The following ZFHX4 variants were observed in gnomAD, a reference collection of about 807,000 sequenced individuals.
ZFHX4 encodes the protein zinc finger homeobox 4.
A neutral mutation model predicts 267.6 loss-of-function variants in ZFHX4; 56 were observed. The observed-to-expected ratio is 0.21, with a 90% CI of 0.17 to 0.26. The LOEUF is 0.26. Ranked by LOEUF, ZFHX4 falls within the 10% of genes least tolerant of loss-of-function variation. The probability of loss-of-function intolerance (pLI) is 1.00; values close to 1 mark genes in which losing one functional copy is unlikely to be tolerated. For missense variants in ZFHX4, 4,332 were observed against 4,420.0 expected (o/e 0.98, Z 0.56); for synonymous variants, 1,778 against 1,665.6 (o/e 1.07, Z -1.64).
intron 4 of ZFHX4, among the ~76,000 whole-genome samples, chr8:76,789,595 G>A (rs1051216412): frequency 2.0e-5 from 3 of 152,090 alleles, no homozygotes; most frequent in Non-Finnish European, 4.4e-5. Flanking sequence ...ACAGATCTGT[G>A]GGTCAGAATT....
intron 1 of ZFHX4, among the ~76,000 whole-genome samples, chr8:76,697,505 A>G (rs1477482162): frequency 6.6e-6 from 1 of 152,060 alleles, no homozygotes; most frequent in Non-Finnish European, 1.5e-5. Flanking sequence ...TAGCAATATA[A>G]CATATGAAAA....
intron 3 of ZFHX4, among the ~76,000 whole-genome samples, chr8:76,768,574 G>C (rs1224982184): frequency 6.6e-6 from 1 of 152,076 alleles, no homozygotes; most frequent in Non-Finnish European, 1.5e-5. Flanking sequence ...AAATCTGAGG[G>C]GGCACCCATG....
chr8:76,830,833 T>C (rs775435053), intron 4 of ZFHX4, among the ~76,000 whole-genome samples: 1 of 152,238 alleles, frequency 6.6e-6, no homozygotes, highest in South Asian at 2.1e-4. Flanking sequence ...AACATACATA[T>C]GTTATGAAAC....
intron 3 of ZFHX4, among the ~76,000 whole-genome samples, chr8:76,768,621 C>T (rs1414133606): frequency 6.6e-6 from 1 of 152,108 alleles, no homozygotes; most frequent in Non-Finnish European, 1.5e-5. Context: ...TGTGAAGGCA[C>T]AGAGGAGCAG....
chr8:76,743,469 G>A (rs1809374900), intron 3 of ZFHX4, among the ~76,000 whole-genome samples: 1 of 152,154 alleles, frequency 6.6e-6, no homozygotes, highest in African/African-American at 2.4e-5. Flanking sequence ...TGTATTTGGG[G>A]ACACATGAAA....
intron 1 of ZFHX4, among the ~76,000 whole-genome samples, chr8:76,690,712 A>G (rs566042045): frequency 6.6e-6 from 1 of 151,880 alleles, no homozygotes; most frequent in African/African-American, 2.4e-5. Flanking sequence ...TATTCAGTAG[A>G]GTATATACAG....
intron 6 of ZFHX4, among the ~76,000 whole-genome samples, chr8:76,846,100 A>G (rs754129911): frequency 5.9e-4 from 90 of 152,218 alleles, no homozygotes; most frequent in Non-Finnish European, 1.1e-3. Context: ...AATACAACTT[A>G]GAAAAGAGAC....
intron 5 of ZFHX4, among the ~76,000 whole-genome samples, chr8:76,838,135 A>T (rs986534855): frequency 2.0e-5 from 3 of 152,230 alleles, no homozygotes; most frequent in Non-Finnish European, 4.4e-5. Context: ...TGGTACATAT[A>T]GGAAGGGAGA....
chr8:76,770,588 C>T (rs2131748942), intron 3 of ZFHX4, among the ~76,000 whole-genome samples: 1 of 152,196 alleles, frequency 6.6e-6, no homozygotes, highest in East Asian at 1.9e-4. Flanking sequence ...CTCAGGAAGC[C>T]TCCAGTCTGG....
At chr8:76,721,618 A>G (rs1260883626) in intron 3 of ZFHX4, among the ~76,000 whole-genome samples, 1 of 152,226 alleles carries the variant, frequency 6.6e-6, no homozygotes, top group African/African-American at 2.4e-5. Context: ...AGTGCTTTAT[A>G]TAACACATTT....
At chr8:76,785,366 T>C (rs1323930434) in intron 4 of ZFHX4, among the ~76,000 whole-genome samples, 1 of 152,144 alleles carries the variant, frequency 6.6e-6, no homozygotes, top group Middle Eastern at 3.2e-3. Flanking sequence ...GCATTGTGGA[T>C]CTTCACCCTA....
At chr8:76,729,928 T>C (rs1452126733) in intron 3 of ZFHX4, among the ~76,000 whole-genome samples, 1 of 152,136 alleles carries the variant, frequency 6.6e-6, no homozygotes, top group East Asian at 1.9e-4. Context: ...TAAAGGGACG[T>C]GAAGCTAGGC....
chr8:76,724,869 A>C lies in ZFHX4; in HGVS notation c.3093+16821A>C, dbSNP rs1051520318. 2.0e-5 allele frequency among the ~76,000 whole-genome samples: 3 copies of C among 152,174 alleles called. No individual in the cohort carries two copies. In the South Asian group the frequency reaches 6.2e-4, roughly 32 times the overall value. Reference sequence around the variant, plus strand: ...ACATGCTCATTTGTAACTCACTGTAATGATTCTTCAGTTTTTCATTTCCTT... The same window carrying C: ...ACATGCTCATTTGTAACTCACTGTACTGATTCTTCAGTTTTTCATTTCCTT... On this transcript the variant is annotated intron_variant, in intron 3 of 10. Transcript: ENST00000651372.
At position 76,706,377 on chromosome 8, in the gene ZFHX4, G is replaced by C. The variant is rs761889928; in HGVS notation, c.2289G>C (p.Gln763His). The change falls in exon 2 of 11, where the codon CAG becomes CAC. Residue 763 changes from glutamine to histidine, a missense_variant. Coordinates refer to ENST00000651372, the MANE Select transcript of ZFHX4 (RefSeq NM_024721.5). ...CACCCTCTCCGTCCAAACCCAAACA[G>C]AAACCCACCTGGCGGTGTGAAGTTT... ...CGTPSPSKPK[Q>H]KPTWRCEVCD... The C allele has an allele frequency of 1.3e-5, 21 of 1,613,964 alleles. No individual in the cohort carries two copies. Among genetic ancestry groups the C allele is most frequent in the Middle Eastern group, 1.6e-4 (1 of 6,084 alleles).
intron 4 of ZFHX4, among the ~76,000 whole-genome samples, chr8:76,793,268 G>A (rs560802396): frequency 6.6e-6 from 1 of 152,060 alleles, no homozygotes; most frequent in Non-Finnish European, 1.5e-5. Flanking sequence ...AAAAAAAAGA[G>A]TACTATTAGA....
At chr8:76,757,980 T>A (rs73233403) in intron 3 of ZFHX4, among the ~76,000 whole-genome samples, 2,238 of 152,218 alleles carry the variant, frequency 0.015, 64 homozygotes, top group African/African-American at 0.05. Context: ...ATTCATGAGG[T>A]TTATTATCAT....
chr8:76,839,561 G>A (rs1480025844), intron 5 of ZFHX4, among the ~76,000 whole-genome samples: 1 of 152,118 alleles, frequency 6.6e-6, no homozygotes, highest in Admixed American at 6.6e-5. Context: ...TAAAATGCAT[G>A]TGGCATATCC....
chr8:76,798,679 C>A (rs1262794523), intron 4 of ZFHX4, among the ~76,000 whole-genome samples: 7 of 152,306 alleles, frequency 4.6e-5, no homozygotes, highest in South Asian at 2.1e-4. Context: ...GTGTGAATTA[C>A]TTCTAGGTAT....
intron 3 of ZFHX4, among the ~76,000 whole-genome samples, chr8:76,757,276 A>G (rs35381450): frequency 6.6e-6 from 1 of 152,002 alleles, no homozygotes; most frequent in Non-Finnish European, 1.5e-5. Context: ...TACAAAATTA[A>G]TATGGGATGG....
Sources: allele counts gnomAD v4.1 joint callset (sites outside exome capture counted in the v4.1 genomes callset), GRCh38; gene constraint gnomAD v4.1.1; transcripts MANE v1.5; gene names NCBI Gene and HGNC (gene_info 2026-07-23, HGNC 2026-07-21).